The following HSD17B2 variants were observed in gnomAD, a reference collection of about 807,000 sequenced individuals.
HSD17B2 encodes 17-beta-hydroxysteroid dehydrogenase type 2.
In HSD17B2, 32 loss-of-function variants were observed where a neutral mutation model predicts 26.9. The observed-to-expected ratio is 1.19, with a 90% confidence interval of 0.90 to 1.60. The LOEUF (loss-of-function observed/expected upper bound fraction) is 1.60, where lower values mean the gene tolerates loss of function less well. Among genes scored for constraint, HSD17B2 ranks in the 40% most tolerant of loss-of-function variants. The probability of loss-of-function intolerance (pLI) is 0.00; values close to 1 mark genes in which losing one functional copy is unlikely to be tolerated. For missense variants in HSD17B2, 613 were observed against 468.6 expected, an observed-to-expected ratio of 1.31 and a Z score of -2.85; for synonymous variants, 246 against 186.7, an observed-to-expected ratio of 1.32 and a Z score of -2.59.
intron 1 of HSD17B2, among the ~76,000 whole-genome samples, chr16:82,065,644 T>C (rs1914553713): frequency 6.6e-6 from 1 of 152,204 alleles, no homozygotes; most frequent in African/African-American, 2.4e-5. Context: ...CAAAGTTAGT[T>C]ATTTTCAGGT....
rs1001492646 is a variant in HSD17B2 at position 82,098,211 on chromosome 16, A to G, written c.939A>G (p.Leu313=). Residue 313 remains leucine, a synonymous_variant, in exon 5 of 5, where the codon TTA becomes TTG. Transcript: ENST00000199936. ...QRNFLLLINS[L]ASKDFSPVLR... ...ATTTCCTCCTATTGATCAACTCGTT[A>G]GCCAGCAAGGACTTCTCTCCGGTGC... 6.2e-7 allele frequency: 1 copy of G among 1,614,180 alleles called. No homozygotes were observed. Among genetic ancestry groups the G allele is most frequent in the Non-Finnish European group, 8.5e-7 (1 of 1,180,014 alleles).
chr16:82,075,029 A>T (rs1904294037), intron 3 of HSD17B2, among the ~76,000 whole-genome samples: 1 of 152,248 alleles, frequency 6.6e-6, no homozygotes, highest in Non-Finnish European at 1.5e-5. Context: ...CCAAAACTAG[A>T]AATAAAAGAT....
At chr16:82,042,603 ATATTATATTT>A (rs1366891120) in intron 1 of HSD17B2, among the ~76,000 whole-genome samples, 1 of 151,190 alleles carries the variant, frequency 6.6e-6, no homozygotes, top group African/African-American at 2.4e-5. Flanking sequence ...TTTCTTTCTT[ATATTATATTT>A]TATTTTATTT....
At chr16:82,096,271 G>GACC (rs1195078838) in intron 4 of HSD17B2, 2 of 152,020 alleles carry the variant, frequency 1.3e-5, no homozygotes, top group African/African-American at 4.8e-5. Flanking sequence ...ACCCAGGCTG[G>GACC]AGCGCAGTGG....
chr16:82,055,951 G>A (rs1914253966), intron 1 of HSD17B2, among the ~76,000 whole-genome samples: 1 of 152,168 alleles, frequency 6.6e-6, no homozygotes, highest in Non-Finnish European at 1.5e-5. Flanking sequence ...AGTGTAAGCT[G>A]GCCCAGGTAC....
chr16:82,078,090 G>T (rs1904312244), intron 3 of HSD17B2, among the ~76,000 whole-genome samples: 1 of 152,118 alleles, frequency 6.6e-6, no homozygotes, highest in Non-Finnish European at 1.5e-5. Context: ...AAAGTGAAGA[G>T]ACAACCCACA....
chr16:82,066,519 G>C (rs8191123), intron 1 of HSD17B2, among the ~76,000 whole-genome samples: 3,806 of 152,200 alleles, frequency 0.025, 148 homozygotes, highest in African/African-American at 0.085. Context: ...TTTAAAAAAA[G>C]AAATTACAGA....
At chr16:82,052,831 A>C (rs1914149433) in intron 1 of HSD17B2, among the ~76,000 whole-genome samples, 2 of 152,226 alleles carry the variant, frequency 1.3e-5, no homozygotes, top group South Asian at 4.1e-4. Context: ...GGGTGCCTTA[A>C]AACAGCAGAA....
In HSD17B2 at chr16:82,079,322, C is replaced by T. The variant is rs116007095; in HGVS notation, c.664+8195C>T. Among the ~76,000 whole-genome samples, 859 of 152,244 alleles carry T rather than the reference C, an allele frequency of 5.6e-3. 5 individuals carry two copies. The highest frequency in any genetic ancestry group is 0.02 in the African/African-American group (815 of 41,532). On this transcript the variant is annotated intron_variant, in intron 3 of 4. Coordinates refer to ENST00000199936, the MANE Select transcript of HSD17B2 (RefSeq NM_002153.3). Reference sequence around the variant, plus strand: ...TCTCACAGTTGTGGAGGCTGGAAGTCGAAGACCAAGGTGTCGGCAGGGTTG... The same window carrying T: ...TCTCACAGTTGTGGAGGCTGGAAGTTGAAGACCAAGGTGTCGGCAGGGTTG...
chr16:82,091,093 G>A, intron 4 of HSD17B2, 54 bp downstream of exon 4: 8 of 1,555,816 alleles, frequency 5.1e-6, no homozygotes, highest in Non-Finnish European at 7.1e-6. Context: ...GAACCCCGAA[G>A]GTCCTCTTGG....
intron 4 of HSD17B2, chr16:82,091,293 G>T (rs1359791409): frequency 1.4e-5 from 7 of 507,446 alleles, no homozygotes; most frequent in Admixed American, 6.2e-5. Context: ...GGAAAGCATG[G>T]CTCAGTAAGT....
At chr16:82,075,839 G>A (rs1218441745) in intron 3 of HSD17B2, among the ~76,000 whole-genome samples, 1 of 150,440 alleles carries the variant, frequency 6.6e-6, no homozygotes, top group Non-Finnish European at 1.5e-5. Context: ...AATAATGGTG[G>A]AGGGAATACT....
chr16:82,043,028 G>C (rs1913810025), intron 1 of HSD17B2, among the ~76,000 whole-genome samples: 1 of 152,234 alleles, frequency 6.6e-6, no homozygotes, highest in African/African-American at 2.4e-5. Context: ...AGCAGGCAGA[G>C]AAGAAACTTT....
intron 4 of HSD17B2, 70 bp from the exon 5 acceptor site, chr16:82,098,005 A>T (rs1423893105): frequency 2.0e-6 from 3 of 1,498,796 alleles, no homozygotes; most frequent in Non-Finnish European, 2.7e-6. Flanking sequence ...TTCCCAACAG[A>T]GACAAGCGCC....
chr16:82,080,968 G>A (rs1464062464), intron 3 of HSD17B2, among the ~76,000 whole-genome samples: 1 of 151,510 alleles, frequency 6.6e-6, no homozygotes, highest in African/African-American at 2.4e-5. Flanking sequence ...TCCTCCTTCC[G>A]AAGGTCTTCA....
At chr16:82,059,933 A>G (rs1259210889) in intron 1 of HSD17B2, among the ~76,000 whole-genome samples, 1 of 152,162 alleles carries the variant, frequency 6.6e-6, no homozygotes, top group Non-Finnish European at 1.5e-5. Flanking sequence ...AAAAATTGAC[A>G]TGAAAAATCT....
intron 3 of HSD17B2, among the ~76,000 whole-genome samples, chr16:82,088,328 G>A (rs1904586592): frequency 6.6e-6 from 1 of 152,148 alleles, no homozygotes; most frequent in African/African-American, 2.4e-5. Flanking sequence ...CTTATATGGA[G>A]CTACTTTGTG....
At chr16:82,060,815 T>C (rs952376118) in intron 1 of HSD17B2, among the ~76,000 whole-genome samples, 2 of 152,238 alleles carry the variant, frequency 1.3e-5, no homozygotes, top group African/African-American at 4.8e-5. Context: ...CAAGGACGCA[T>C]AAAGCAGAGC....
chr16:82,081,307 C>T (rs974352262), intron 3 of HSD17B2, among the ~76,000 whole-genome samples: 1 of 152,176 alleles, frequency 6.6e-6, no homozygotes, highest in Non-Finnish European at 1.5e-5. Context: ...ATTCTCCTCT[C>T]TCCTTCTGTT....
Sources: gnomAD v4.1 joint callset for allele counts (sites outside exome capture counted in the v4.1 genomes callset) on GRCh38, gnomAD v4.1.1 for gene constraint, MANE v1.5 for transcripts, NCBI Gene and HGNC (gene_info 2026-07-23, HGNC 2026-07-21) for gene names.